Variants in TCF12 observed in about 807,000 individuals in gnomAD.
The protein encoded by TCF12 is DNA-binding protein HTF4.
Under a neutral mutation model 86.0 loss-of-function variants are expected in TCF12, and 45 were observed. That is an observed-to-expected ratio of 0.52 (90% confidence interval 0.41 to 0.67). The LOEUF (loss-of-function observed/expected upper bound fraction) is 0.67, where lower values mean the gene tolerates loss of function less well. TCF12 is among the 30% of genes least tolerant of loss of function. The pLI, the probability that TCF12 is intolerant of heterozygous loss-of-function variation, is 0.00. For synonymous variants in TCF12, 330 were observed against 299.6 expected, an observed-to-expected ratio of 1.10 and a Z score of -1.05; for missense variants, 881 against 859.9, an observed-to-expected ratio of 1.02 and a Z score of -0.31.
chr15:57,165,575 C>T (rs1388730195), intron 5 of TCF12, among the ~76,000 whole-genome samples: 1 of 147,758 alleles, frequency 6.8e-6, no homozygotes, highest in Non-Finnish European at 1.5e-5. Flanking sequence ...CTTGTTCTGT[C>T]ACCCAGGCTA....
chr15:57,130,360 A>AT, intron 5 of TCF12, among the ~76,000 whole-genome samples: 1 of 151,944 alleles, frequency 6.6e-6, no homozygotes, highest in African/African-American at 2.4e-5. Flanking sequence ...TTTTTTGTGG[A>AT]TTTTAGAGAG....
In TCF12 at chr15:57,243,902, A is replaced by G. The variant is rs374733776; in HGVS notation, c.1114+352A>G. Among the ~76,000 whole-genome samples, 11 of 152,292 alleles carry G rather than the reference A, an allele frequency of 7.2e-5. No individual in the cohort carries two copies. The East Asian group carries it at 2.1e-3, about 29-fold the overall frequency. ...TTCTAAAGTTATTTTTTTTAGAGAC[A>G]GGGTCTTACTCTGTTGCCCTGGCTG... On this transcript the variant is annotated intron_variant, in intron 13 of 20. Coordinates refer to ENST00000333725, the MANE Select transcript of TCF12 (RefSeq NM_207037.2).
chr15:57,290,062 T>C (rs2062050376), downstream of TCF12, among the ~76,000 whole-genome samples: 1 of 151,600 alleles, frequency 6.6e-6, no homozygotes, highest in African/African-American at 2.4e-5. Flanking sequence ...AGAGTGAGTC[T>C]GGCTGGGCGT....
chr15:56,933,568 A>G (rs213155), intron 3 of TCF12, among the ~76,000 whole-genome samples: 37,181 of 152,126 alleles, frequency 0.24, 4,681 homozygotes, highest in Non-Finnish European at 0.27. Context: ...CTAGGGCAGA[A>G]TATTTTAACC....
At chr15:57,217,389 A>G (rs2058376153) in intron 8 of TCF12, among the ~76,000 whole-genome samples, 1 of 152,174 alleles carries the variant, frequency 6.6e-6, no homozygotes, top group Non-Finnish European at 1.5e-5. Context: ...TCTAAAATAA[A>G]GAACTGGTGT....
At chr15:57,080,381 A>C (rs2070521320) in intron 4 of TCF12, among the ~76,000 whole-genome samples, 1 of 152,176 alleles carries the variant, frequency 6.6e-6, no homozygotes, top group African/African-American at 2.4e-5. Context: ...AGAAATGAAG[A>C]CTTCCTTCAT....
rs2061219219 is a variant in TCF12, at chr15:57,273,079, GAGA to G, written c.1798_1800del (p.Lys600del). 2 of 1,614,098 alleles carry G rather than the reference GAGA, an allele frequency of 1.2e-6. No homozygotes were observed. The highest frequency in any genetic ancestry group is 1.7e-5 in the Admixed American group (1 of 60,008). On this transcript the variant is annotated inframe_deletion, in exon 19 of 21. Coordinates refer to ENST00000333725, the MANE Select transcript of TCF12 (RefSeq NM_207037.2). Reference sequence around the variant, plus strand: ...GAACCCTGAACAGAAGATAGAAAGGGAGAAGGAGAGGCGGATGGCTAACAATGC... The same window carrying G: ...GAACCCTGAACAGAAGATAGAAAGGGAGGAGAGGCGGATGGCTAACAATGC...
At chr15:57,015,611 A>G (rs1403962537) in intron 3 of TCF12, among the ~76,000 whole-genome samples, 1 of 152,190 alleles carries the variant, frequency 6.6e-6, no homozygotes, top group Non-Finnish European at 1.5e-5. Flanking sequence ...TTCATGGTTG[A>G]CACTGAGATT....
At chr15:57,241,609 G>T (rs916388916) in intron 12 of TCF12, among the ~76,000 whole-genome samples, 1 of 152,164 alleles carries the variant, frequency 6.6e-6, no homozygotes. Flanking sequence ...ACAAATTGGC[G>T]TATTTTGTTT....
chr15:57,146,925 C>A (rs1009948058), intron 5 of TCF12, among the ~76,000 whole-genome samples: 1 of 152,028 alleles, frequency 6.6e-6, no homozygotes, highest in Admixed American at 6.6e-5. Flanking sequence ...AAATATAGTG[C>A]CTCTGTTAGG....
In TCF12 at chr15:57,027,326, A is replaced by G. The variant is rs79438804; in HGVS notation, c.149-36424A>G. 5.4e-3 allele frequency among the ~76,000 whole-genome samples: 817 copies of G among 152,344 alleles called. 16 individuals are homozygous for G. The highest frequency in any genetic ancestry group is 0.019 in the African/African-American group (782 of 41,582). On this transcript the variant is annotated intron_variant, in intron 3 of 20. Coordinates refer to ENST00000333725, the MANE Select transcript of TCF12 (RefSeq NM_207037.2). Reference sequence around the variant, plus strand: ...TAACTACATAATAATGAAATTGTACAGGATAAACTCTTGTATCTGGCTTCT... The same window carrying G: ...TAACTACATAATAATGAAATTGTACGGGATAAACTCTTGTATCTGGCTTCT...
chr15:56,976,224 CTTTTTTTTTTT>C lies in TCF12; in HGVS notation c.148+55140_148+55150del, dbSNP rs35959497. Among the ~76,000 whole-genome samples, 4 of 57,382 alleles carry C rather than the reference CTTTTTTTTTTT, an allele frequency of 7.0e-5. No individual in the cohort carries two copies. The East Asian group carries it at 1.8e-3, about 25-fold the overall frequency. 37.6% of individuals were successfully genotyped at this position (57,382 alleles called of 152,430 possible). ...CTAAATAGTAGATAAAAGGAAGTTT[CTTTTTTTTTTT>C]TTTTTTTTTTTTTGAGATGGAGTCT... On this transcript the variant is annotated intron_variant, in intron 3 of 20. Transcript: ENST00000333725.
chr15:57,040,539 T>A (rs2066828660), intron 3 of TCF12, among the ~76,000 whole-genome samples: 1 of 152,150 alleles, frequency 6.6e-6, no homozygotes, highest in Admixed American at 6.5e-5. Context: ...CCAGAAGTGA[T>A]GGGAGGAAGA....
rs962111793 is a variant in TCF12 at position 56,961,144 on chromosome 15, A to T, written c.148+40046A>T. 2.3e-5 allele frequency among the ~76,000 whole-genome samples: 3 copies of T among 132,402 alleles called. No individual in the cohort carries two copies. In the South Asian group the frequency reaches 7.4e-4, roughly 33 times the overall value. The allele number at this position is 132,402 out of a possible 152,430, so 86.9% of individuals were successfully genotyped here. ...TCTGTCTCAAAAAAAAAAAAAAAAA[A>T]ATCAGTTCATTAAATAAGTACCTAC... On this transcript the variant is annotated intron_variant, in intron 3 of 20. Transcript: ENST00000333725.
intron 3 of TCF12, among the ~76,000 whole-genome samples, chr15:56,967,145 CAA>C (rs35618060): frequency 0.34 from 50,714 of 149,040 alleles, 9,937 homozygotes; most frequent in African/African-American, 0.53. Context: ...CCTCCCCCAC[CAA>C]AAAAAAAATA....
intron 3 of TCF12, among the ~76,000 whole-genome samples, chr15:57,037,456 A>T (rs951419389): frequency 6.6e-6 from 1 of 152,000 alleles, no homozygotes; most frequent in Non-Finnish European, 1.5e-5. Flanking sequence ...CAAACAAACA[A>T]ACAAGGTAGT....
At chr15:56,975,481 T>A (rs907737683) in intron 3 of TCF12, among the ~76,000 whole-genome samples, 1 of 152,194 alleles carries the variant, frequency 6.6e-6, no homozygotes, top group Non-Finnish European at 1.5e-5. Flanking sequence ...CACATAATGA[T>A]TGAAATTTCT....
intron 3 of TCF12, among the ~76,000 whole-genome samples, chr15:56,971,485 G>C (rs575353832): frequency 8.5e-5 from 13 of 152,156 alleles, no homozygotes; most frequent in Middle Eastern, 3.4e-3. Context: ...AGAAAAATAG[G>C]TCAAAGTTAT....
rs1269251904 is a variant in TCF12 at position 57,282,726 on chromosome 15, TATAAC to T, written c.*11+130_*11+134del. On this transcript the variant is annotated intron_variant, in intron 20 of 20. Coordinates refer to ENST00000333725, the MANE Select transcript of TCF12 (RefSeq NM_207037.2). The stretch of plus-strand genomic sequence containing the variant: ...TGTAAAGGTCACATGTAATTTGAAA[TATAAC>T]AGTTTGTCTTTCTGTTACATTATCA... 7.6e-5 allele frequency: 88 copies of T among 1,159,604 alleles called. 1 individual carries two copies. In the South Asian group the frequency reaches 1.0e-3, roughly 13 times the overall value. 71.8% of individuals were successfully genotyped at this position (1,159,604 alleles called of 1,614,324 possible). A position where few individuals can be genotyped will look rare whatever the true frequency, so the allele number is the denominator to read the frequency against.
Sources: allele counts gnomAD v4.1 joint callset (sites outside exome capture counted in the v4.1 genomes callset), GRCh38; gene constraint gnomAD v4.1.1; transcripts MANE v1.5; gene names NCBI Gene and HGNC (gene_info 2026-07-23, HGNC 2026-07-21).